The following SLCO3A1 variants were observed in gnomAD, a reference collection of about 807,000 sequenced individuals.
SLCO3A1 encodes PGE1 transporter.
In SLCO3A1, 27 loss-of-function variants were observed where a neutral mutation model predicts 63.1. The observed-to-expected ratio is 0.43, with a 90% CI of 0.32 to 0.59. SLCO3A1 has a LOEUF of 0.59. Ranked by LOEUF, SLCO3A1 falls within the 20% of genes least tolerant of loss-of-function variation. SLCO3A1 has a pLI of 0.09. For missense variants in SLCO3A1, 773 were observed against 945.8 expected (o/e 0.82, Z 2.40); for synonymous variants, 473 against 409.9 (o/e 1.15, Z -1.86).
intron 2 of SLCO3A1, among the ~76,000 whole-genome samples, chr15:91,934,002 G>C (rs1425538118): frequency 1.3e-5 from 2 of 152,140 alleles, no homozygotes; most frequent in Admixed American, 6.5e-5. Context: ...TTGCAGCTTA[G>C]TGTTGAGTCT....
intron 2 of SLCO3A1, among the ~76,000 whole-genome samples, chr15:92,067,237 T>C (rs7173864): frequency 0.12 from 17,920 of 152,148 alleles, 1,209 homozygotes; most frequent in East Asian, 0.27. Context: ...AGGAGGATGT[T>C]TGCTCCAGCT....
Position 91,915,991 on chromosome 15 carries a change from A to AG in SLCO3A1, c.181dup. 1 of 1,609,724 alleles carries AG rather than the reference A, an allele frequency of 6.2e-7. No individual in the cohort carries two copies. The highest frequency in any genetic ancestry group is 8.5e-7 in the Non-Finnish European group (1 of 1,178,344). The stretch of plus-strand genomic sequence containing the variant: ...TCTGACCTTTCTTCTTGCCCCCCTC[A>AG]GGTGAGCGTCCTGACCACCCTGGAG... On this transcript the variant is annotated splice_acceptor_variant, in intron 1 of 9. Transcript: ENST00000318445. LOFTEE classifies it high-confidence loss of function.
At chr15:92,145,503 T>G (rs76279313) in intron 7 of SLCO3A1, among the ~76,000 whole-genome samples, 6,082 of 152,232 alleles carry the variant, frequency 0.04, 393 homozygotes, top group African/African-American at 0.14. Context: ...CCGAGGTTCT[T>G]GTCTCCTCCA....
At chr15:92,061,538 C>T (rs1190041016) in intron 2 of SLCO3A1, among the ~76,000 whole-genome samples, 1 of 152,214 alleles carries the variant, frequency 6.6e-6, no homozygotes, top group Non-Finnish European at 1.5e-5. Context: ...CAGAAGTGTC[C>T]TCTTACTGGG....
chr15:92,053,145 G>T (rs1279192389), intron 2 of SLCO3A1, among the ~76,000 whole-genome samples: 1 of 144,492 alleles, frequency 6.9e-6, no homozygotes, highest in Admixed American at 6.9e-5. Flanking sequence ...CCGTGTAGAT[G>T]CTGAGGTGGG....
chr15:92,120,630 G>A lies in SLCO3A1; in HGVS notation c.1174+1G>A. ...ACCTCTTCTGCCAACCAGCTGCTTG[G>A]TGAGTGTGTCCTCAGGCCTCCTGAG... On this transcript the variant is annotated splice_donor_variant, in intron 5 of 9. Transcript: ENST00000318445. LOFTEE classifies it high-confidence loss of function. The A allele has an allele frequency of 6.2e-7, 1 of 1,613,480 alleles. No individual in the cohort carries two copies. The highest frequency in any genetic ancestry group is 8.5e-7 in the Non-Finnish European group (1 of 1,179,746).
At chr15:91,871,619 G>A (rs1390062322) in intron 1 of SLCO3A1, among the ~76,000 whole-genome samples, 1 of 152,160 alleles carries the variant, frequency 6.6e-6, no homozygotes, top group Admixed American at 6.5e-5. Flanking sequence ...CTCTCAGAAT[G>A]TTTATTTATT....
chr15:92,137,673 G>A lies in SLCO3A1; in HGVS notation c.1512+9184G>A, dbSNP rs1283006072. ...TTTTTAATGATTGCCATTCTAACTG[G>A]TGTGAGATGGTATCTCATTGTGGTT... is the stretch of plus-strand genomic sequence containing the variant. On this transcript the variant is annotated intron_variant, in intron 7 of 9. Coordinates refer to ENST00000318445, the MANE Select transcript of SLCO3A1 (RefSeq NM_013272.4). Among the ~76,000 whole-genome samples, 6 of 108,094 alleles carry A rather than the reference G, an allele frequency of 5.6e-5. 2 individuals are homozygous for A. Among genetic ancestry groups the A allele is most frequent in the African/African-American group, 3.0e-4 (6 of 19,862 alleles). 70.9% of individuals were successfully genotyped at this position (108,094 alleles called of 152,430 possible).
rs375014073 is a variant in SLCO3A1 at position 92,147,001 on chromosome 15, G to A, written c.1530G>A (p.Ala510=). ...CCTTTCAGAATCTCACGGGCTGTGC[G>A]TGCCTCACCACCGTCCCTGCTGAGA... is the stretch of plus-strand genomic sequence containing the variant. The part of the protein sequence containing the change: ...GCNSTNLTGC[A]CLTTVPAENA... Residue 510 remains alanine, a synonymous_variant, in exon 8 of 10, where the codon GCG becomes GCA. Coordinates refer to ENST00000318445, the MANE Select transcript of SLCO3A1 (RefSeq NM_013272.4). The A allele has an allele frequency of 1.7e-5, 27 of 1,613,012 alleles. No individual in the cohort carries two copies. Among genetic ancestry groups the A allele is most frequent in the East Asian group, 2.2e-5 (1 of 44,878 alleles).
Position 92,081,185 on chromosome 15 carries a change from G to A in SLCO3A1, c.647-13696G>A, listed in dbSNP as rs190111577. Among the ~76,000 whole-genome samples, 4 of 152,110 alleles carry A rather than the reference G, an allele frequency of 2.6e-5. No individual in the cohort carries two copies. The East Asian group carries it at 7.7e-4, about 29-fold the overall frequency. The stretch of plus-strand genomic sequence containing the variant: ...CCCTGTTGCAATATCAGATACTAGA[G>A]TTTATTCATCCTGTCTATATTTTTG... On this transcript the variant is annotated intron_variant, in intron 2 of 9. Transcript: ENST00000318445.
In SLCO3A1 at chr15:91,916,398, C is replaced by T; in HGVS notation, c.586C>T (p.Pro196Ser). The change falls in exon 2 of 10, where the codon CCC becomes TCC. Residue 196 changes from proline (P) to serine (S), a missense_variant. By Grantham distance (74) the Pro-to-Ser change is moderately conservative. Coordinates refer to ENST00000318445, the MANE Select transcript of SLCO3A1 (RefSeq NM_013272.4). This position sits in a 1 kb window ranked among gnomAD's most constrained non-coding sequence, Gnocchi z 6.2. ...GGGCATCGGTGCTACCCCTGTGCAG[C>T]CCCTGGGCGTCTCCTACATCGACGA... Reference protein sequence around the residue: ...LLGIGATPVQPLGVSYIDDHV... With the variant: ...LLGIGATPVQSLGVSYIDDHV... 1 of 1,612,956 alleles carries T rather than the reference C, an allele frequency of 6.2e-7. No homozygotes were observed. The highest frequency in any genetic ancestry group is 8.5e-7 in the Non-Finnish European group (1 of 1,179,768).
chr15:91,871,938 C>A (rs1897292289), intron 1 of SLCO3A1, among the ~76,000 whole-genome samples: 1 of 151,864 alleles, frequency 6.6e-6, no homozygotes, highest in Non-Finnish European at 1.5e-5. Flanking sequence ...TATTCCATTT[C>A]CCTATTTCTG....
At chr15:92,087,680 A>G (rs1165046494) in intron 2 of SLCO3A1, among the ~76,000 whole-genome samples, 1 of 151,788 alleles carries the variant, frequency 6.6e-6, no homozygotes, top group Non-Finnish European at 1.5e-5. Flanking sequence ...CACCATGCCC[A>G]GCTAATTTTG....
At chr15:92,119,906 T>C (rs1019421607) in intron 4 of SLCO3A1, among the ~76,000 whole-genome samples, 2 of 152,190 alleles carry the variant, frequency 1.3e-5, no homozygotes, top group Admixed American at 6.5e-5. Context: ...GCCATGAAGA[T>C]GGCAAGAAGG....
chr15:91,961,255 A>G (rs1434471330), intron 2 of SLCO3A1, among the ~76,000 whole-genome samples: 1 of 152,266 alleles, frequency 6.6e-6, no homozygotes, highest in Non-Finnish European at 1.5e-5. Context: ...CCTGCTGGCA[A>G]GGATTTGATA....
Position 92,161,143 on chromosome 15 carries a change from C to G in SLCO3A1, c.1754-1613C>G, listed in dbSNP as rs540445142. Among the ~76,000 whole-genome samples the G allele has an allele frequency of 8.5e-5, 13 of 152,318 alleles. No homozygotes were observed. In the South Asian group the frequency reaches 2.7e-3, roughly 32 times the overall value. ...CACACCTAGTTCCAGAGATCACTTC[C>G]TCCTCCTGCAGTCTGTCACTGAAGA... On this transcript the variant is annotated intron_variant, in intron 9 of 9. Transcript: ENST00000318445.
chr15:92,058,435 A>G (rs1347911402), intron 2 of SLCO3A1, among the ~76,000 whole-genome samples: 1 of 152,146 alleles, frequency 6.6e-6, no homozygotes, highest in Non-Finnish European at 1.5e-5. Flanking sequence ...CCCTAAGCCC[A>G]TTCCTTTTAA....
chr15:92,008,563 A>G (rs187521548), intron 2 of SLCO3A1, among the ~76,000 whole-genome samples: 55 of 152,332 alleles, frequency 3.6e-4, no homozygotes, highest in African/African-American at 1.3e-3. Flanking sequence ...AAACTGGCAT[A>G]CTACAATCAT....
At chr15:91,895,172 G>A (rs991946932) in intron 1 of SLCO3A1, among the ~76,000 whole-genome samples, 26 of 152,284 alleles carry the variant, frequency 1.7e-4, no homozygotes, top group Non-Finnish European at 3.4e-4. Context: ...AGCTGTGGGC[G>A]TGAAGGCAGT....
Sources: allele counts gnomAD v4.1 joint callset (sites outside exome capture counted in the v4.1 genomes callset), GRCh38; gene constraint gnomAD v4.1.1; non-coding constraint Gnocchi (gnomAD v3.1); transcripts MANE v1.5; gene names NCBI Gene and HGNC (gene_info 2026-07-23, HGNC 2026-07-21).